Variants in PBX1 observed in about 807,000 individuals in gnomAD.
PBX1 encodes the protein PBX homeobox 1.
Under a neutral mutation model 53.4 loss-of-function variants are expected in PBX1, and 6 were observed. That is an observed-to-expected ratio of 0.11 (90% confidence interval 0.06 to 0.22). The LOEUF is 0.22. Among genes scored for constraint, PBX1 ranks in the 10% least tolerant of loss-of-function variants. PBX1 has a pLI of 1.00. For synonymous variants in PBX1, 204 were observed against 212.3 expected (o/e 0.96, Z 0.34); for missense variants, 251 against 551.4 (o/e 0.46, Z 5.46).
At chr1:164,884,273 G>A (rs574297574) in intron 2 of PBX1, among the ~76,000 whole-genome samples, 15 of 152,222 alleles carry the variant, frequency 9.9e-5, no homozygotes, top group Non-Finnish European at 1.9e-4. Flanking sequence ...ATTTATCATG[G>A]AGATTTTTTT....
At chr1:164,731,331 C>G (rs1664970783) in intron 2 of PBX1, among the ~76,000 whole-genome samples, 2 of 150,388 alleles carry the variant, frequency 1.3e-5, no homozygotes, top group African/African-American at 2.4e-5. Flanking sequence ...AAAAAAAACT[C>G]TCTTGGCTTC....
chr1:164,718,653 A>C (rs980656798), intron 2 of PBX1, among the ~76,000 whole-genome samples: 4 of 152,210 alleles, frequency 2.6e-5, no homozygotes, highest in African/African-American at 9.7e-5. Flanking sequence ...GGATGAGCCC[A>C]GCCCACCTCT....
intron 2 of PBX1, among the ~76,000 whole-genome samples, chr1:164,751,769 G>T (rs983365264): frequency 6.6e-6 from 1 of 151,370 alleles, no homozygotes. Flanking sequence ...TTTAGTAGAG[G>T]CAGGGTTTCA....
chr1:164,713,535 C>G (rs1663916802), intron 2 of PBX1, among the ~76,000 whole-genome samples: 1 of 152,174 alleles, frequency 6.6e-6, no homozygotes, highest in Non-Finnish European at 1.5e-5. Flanking sequence ...TATTCTGTCT[C>G]TCTCCACCCC....
intron 2 of PBX1, among the ~76,000 whole-genome samples, chr1:164,584,111 AG>A (rs919230251): frequency 2.6e-5 from 4 of 152,300 alleles, no homozygotes; most frequent in Non-Finnish European, 5.9e-5. Flanking sequence ...GAAGGAAGGA[AG>A]GGAGGGAGAG....
At position 164,559,328 on chromosome 1, in the gene PBX1, T is replaced by G. The variant is rs1329580290; in HGVS notation, c.-495T>G. 9.0e-5 allele frequency: 5 copies of G among 55,650 alleles called. No homozygotes were observed. Among genetic ancestry groups the G allele is most frequent in the African/African-American group, 1.3e-4 (1 of 7,816 alleles). 3.4% of individuals were successfully genotyped at this position (55,650 alleles called of 1,614,324 possible). On this transcript the variant is annotated 5_prime_UTR_variant, in exon 1 of 9. Transcript: ENST00000420696. ...CCTTTGAGATCACTCTGGCCCGGAG[T>G]GGGGGTGGGGGGCAGCGGGGGGTGG...
At chr1:164,636,077 G>C (rs1396286450) in intron 2 of PBX1, among the ~76,000 whole-genome samples, 2 of 152,096 alleles carry the variant, frequency 1.3e-5, no homozygotes, top group African/African-American at 4.8e-5. Flanking sequence ...AATGGGCCTT[G>C]ACAAATCTGG....
intron 2 of PBX1, among the ~76,000 whole-genome samples, chr1:164,668,481 TAC>T (rs1660937185): frequency 6.8e-6 from 1 of 147,944 alleles, no homozygotes; most frequent in African/African-American, 2.5e-5. Context: ...GAGAGAGAAA[TAC>T]AAGGTCTCCC....
At chr1:164,811,004 G>C (rs375884333) in intron 5 of PBX1, among the ~76,000 whole-genome samples, 1 of 152,076 alleles carries the variant, frequency 6.6e-6, no homozygotes, top group Admixed American at 6.6e-5. Context: ...TTTATCTGCC[G>C]TCGTTGGGAG....
intron 3 of PBX1, among the ~76,000 whole-genome samples, chr1:164,794,559 T>C (rs114198413): frequency 0.018 from 2,758 of 152,226 alleles, 89 homozygotes; most frequent in African/African-American, 0.063. Flanking sequence ...CTCGCCACAG[T>C]GTTGGCTCAT....
intron 2 of PBX1, among the ~76,000 whole-genome samples, chr1:164,760,783 G>C (rs1010840030): frequency 1.3e-5 from 2 of 152,096 alleles, no homozygotes; most frequent in Non-Finnish European, 2.9e-5. Flanking sequence ...AGGGAGCTGA[G>C]ATTTGTCTTT....
intron 8 of PBX1, among the ~76,000 whole-genome samples, chr1:164,836,241 C>A (rs1279387996): frequency 1.3e-5 from 2 of 152,134 alleles, no homozygotes; most frequent in Non-Finnish European, 2.9e-5. Context: ...AGTTGTTGAA[C>A]TTTGACATCT....
At chr1:164,737,214 G>A (rs1315402079) in intron 2 of PBX1, among the ~76,000 whole-genome samples, 1 of 152,136 alleles carries the variant, frequency 6.6e-6, no homozygotes, top group African/African-American at 2.4e-5. Context: ...TTAGTTCTTC[G>A]AATGGTCATT....
At chr1:164,822,588 C>A (rs1425102855) in intron 8 of PBX1, among the ~76,000 whole-genome samples, 1 of 152,156 alleles carries the variant, frequency 6.6e-6, no homozygotes, top group African/African-American at 2.4e-5. Context: ...ACCTCTTCAA[C>A]TGCGTTGGTC....
chr1:164,849,466 A>C lies in PBX1; in HGVS notation c.*2790A>C, dbSNP rs1263761504. 1.3e-6 allele frequency: 2 copies of C among 1,534,118 alleles called. No individual in the cohort carries two copies. The highest frequency in any genetic ancestry group is 1.4e-5 in the African/African-American group (1 of 73,020). On this transcript the variant is annotated 3_prime_UTR_variant, in exon 9 of 9. Transcript: ENST00000420696. ...GCAGCAGGATGGGTTTGGAAAGAGC[A>C]TGCCTCTGGAAACACAGCTTCCTGG...
intron 2 of PBX1, among the ~76,000 whole-genome samples, chr1:164,724,066 A>G (rs1664549774): frequency 1.3e-5 from 2 of 152,222 alleles, no homozygotes; most frequent in South Asian, 2.1e-4. Context: ...TGACTTTCTT[A>G]GAAGTTCAAA....
At chr1:164,649,509 TC>T (rs1251553519) in intron 2 of PBX1, among the ~76,000 whole-genome samples, 4 of 152,132 alleles carry the variant, frequency 2.6e-5, no homozygotes, top group East Asian at 1.9e-4. Flanking sequence ...ATCAGTTTTT[TC>T]CCCCCAGTAT....
intron 2 of PBX1, among the ~76,000 whole-genome samples, chr1:164,589,034 T>G (rs1187429935): frequency 6.6e-6 from 1 of 152,064 alleles, no homozygotes; most frequent in East Asian, 1.9e-4. Context: ...TCATCCAAAG[T>G]TCGAATCCAG....
chr1:164,756,063 T>C (rs1339738381), intron 2 of PBX1, among the ~76,000 whole-genome samples: 1 of 152,062 alleles, frequency 6.6e-6, no homozygotes, highest in Non-Finnish European at 1.5e-5. Context: ...CAGAGCTAGC[T>C]GGCATACAAT....
Sources: allele counts gnomAD v4.1 joint callset (sites outside exome capture counted in the v4.1 genomes callset), GRCh38; gene constraint gnomAD v4.1.1; transcripts MANE v1.5; gene names NCBI Gene and HGNC (gene_info 2026-07-23, HGNC 2026-07-21).